The following UBE3D variants were observed in gnomAD, a reference collection of about 807,000 sequenced individuals.
UBE3D encodes E3 ubiquitin-protein ligase E3D.
UBE3D carries 48 observed loss-of-function variants against 49.6 expected under a neutral mutation model. That is an observed-to-expected ratio of 0.97 (90% CI 0.77 to 1.23). The LOEUF (loss-of-function observed/expected upper bound fraction) is 1.23. Ranked by LOEUF, UBE3D falls within the 50% of genes most tolerant of loss-of-function variation. UBE3D has a pLI of 0.00. For synonymous variants in UBE3D, 189 were observed against 174.2 expected (o/e 1.08, Z -0.67); for missense variants, 452 against 468.4 (o/e 0.96, Z 0.32).
At chr6:83,004,570 G>T (rs1241546926) in intron 8 of UBE3D, among the ~76,000 whole-genome samples, 1 of 152,128 alleles carries the variant, frequency 6.6e-6, no homozygotes, top group East Asian at 1.9e-4. Context: ...GTGGGAAGTG[G>T]AATAAACACT....
Position 83,057,818 on chromosome 6 carries a change from T to C in UBE3D, c.274+8A>G, listed in dbSNP as rs758902367. The C allele has an allele frequency of 6.2e-7, 1 of 1,613,424 alleles. No homozygotes were observed. Among genetic ancestry groups the C allele is most frequent in the South Asian group, 1.1e-5 (1 of 90,982 alleles). On this transcript the variant is annotated splice_region_variant and intron_variant, in intron 2 of 9. Transcript: ENST00000369747. ...AAATACAGCAGCAGAAGTGCTAATA[T>C]TACTCACTTGTGCCTAATTTTGCTT...
rs867215746 is a variant in UBE3D, at chr6:83,042,763, C to G, written c.597+1665G>C. ...TTTCCCAAGAGATACCATTAGGATGCTTTGTTACTATGTGACATTTCAAAA... is the reference window on the plus strand; with the variant it reads ...TTTCCCAAGAGATACCATTAGGATGGTTTGTTACTATGTGACATTTCAAAA... On this transcript the variant is annotated intron_variant, in intron 4 of 9. Coordinates refer to ENST00000369747, the MANE Select transcript of UBE3D (RefSeq NM_198920.3). Among the ~76,000 whole-genome samples, 7 of 152,256 alleles carry G rather than the reference C, an allele frequency of 4.6e-5. No individual in the cohort carries two copies. In the Middle Eastern group the frequency reaches 0.014, roughly 298 times the overall value.
chr6:83,058,633 A>G (rs1783969280), intron 1 of UBE3D, among the ~76,000 whole-genome samples: 1 of 152,254 alleles, frequency 6.6e-6, no homozygotes, highest in African/African-American at 2.4e-5. Context: ...CAGAGGTACA[A>G]AGTACCATGG....
intron 8 of UBE3D, among the ~76,000 whole-genome samples, chr6:82,966,004 T>G (rs1776889747): frequency 6.6e-6 from 1 of 152,198 alleles, no homozygotes; most frequent in Non-Finnish European, 1.5e-5. Context: ...TATTACACTT[T>G]GAAAAAAGTA....
chr6:82,994,169 A>G (rs1363188542), intron 8 of UBE3D, among the ~76,000 whole-genome samples: 3 of 152,260 alleles, frequency 2.0e-5, no homozygotes, highest in Non-Finnish European at 4.4e-5. Context: ...CATGGACAAC[A>G]GAAGAAAAAA....
At chr6:83,020,663 G>T (rs1781030192) in intron 7 of UBE3D, among the ~76,000 whole-genome samples, 1 of 152,112 alleles carries the variant, frequency 6.6e-6, no homozygotes, top group Admixed American at 6.5e-5. Context: ...AAACTGTGAG[G>T]TATATTTACT....
intron 9 of UBE3D, among the ~76,000 whole-genome samples, chr6:82,903,869 G>A (rs1771911734): frequency 6.6e-6 from 1 of 152,164 alleles, no homozygotes; most frequent in African/African-American, 2.4e-5. Flanking sequence ...AAGCTGAAAA[G>A]CTGAAGAGGA....
At chr6:82,992,421 C>T (rs1778957344) in intron 8 of UBE3D, among the ~76,000 whole-genome samples, 1 of 151,924 alleles carries the variant, frequency 6.6e-6, no homozygotes, top group South Asian at 2.1e-4. Context: ...TGGGGTTTCA[C>T]CATGCTGGCC....
chr6:83,012,353 C>T (rs973418237), intron 8 of UBE3D, among the ~76,000 whole-genome samples: 1 of 152,142 alleles, frequency 6.6e-6, no homozygotes, highest in Non-Finnish European at 1.5e-5. Context: ...AAAATGGTGC[C>T]ATATCAAGGG....
intron 8 of UBE3D, among the ~76,000 whole-genome samples, chr6:82,974,357 C>T (rs1026758508): frequency 1.3e-5 from 2 of 151,994 alleles, no homozygotes; most frequent in Non-Finnish European, 2.9e-5. Context: ...GGTTCCAGGA[C>T]CCCCCACAAC....
At chr6:83,059,125 T>C (rs1051992605) in intron 1 of UBE3D, among the ~76,000 whole-genome samples, 7 of 152,174 alleles carry the variant, frequency 4.6e-5, no homozygotes, top group African/African-American at 1.7e-4. Flanking sequence ...CTCACTCCTC[T>C]AATCCTAGCA....
At chr6:82,976,799 A>G (rs1440260496) in intron 8 of UBE3D, among the ~76,000 whole-genome samples, 4 of 152,136 alleles carry the variant, frequency 2.6e-5, no homozygotes, top group Non-Finnish European at 5.9e-5. Context: ...AATGACTTAC[A>G]CTAGTACTAC....
chr6:83,006,320 TTGTATTTGGAGATAGGACCCTGCTTTTCC>T lies in UBE3D; in HGVS notation c.1010+12624_1010+12652del, dbSNP rs1779976898. Among the ~76,000 whole-genome samples, 4 of 152,344 alleles carry T rather than the reference TTGTATTTGGAGATAGGACCCTGCTTTTCC, an allele frequency of 2.6e-5. No homozygotes were observed. In the South Asian group the frequency reaches 6.2e-4, roughly 24 times the overall value. On this transcript the variant is annotated intron_variant, in intron 8 of 9. Transcript: ENST00000369747. ...AGTTGAAGCCCTAACCCCAATGTCCTTGTATTTGGAGATAGGACCCTGCTTTTCCTGTATTTGGAGATAGGACCCCAATG... is the reference window on the plus strand; with the variant it reads ...AGTTGAAGCCCTAACCCCAATGTCCTTGTATTTGGAGATAGGACCCCAATG...
intron 8 of UBE3D, among the ~76,000 whole-genome samples, chr6:83,010,931 T>C (rs919775272): frequency 6.6e-6 from 1 of 152,112 alleles, no homozygotes; most frequent in Non-Finnish European, 1.5e-5. Context: ...CCAGAGTCAA[T>C]ACTTTGCATC....
At chr6:82,980,929 A>G (rs1469975802) in intron 8 of UBE3D, among the ~76,000 whole-genome samples, 4 of 152,016 alleles carry the variant, frequency 2.6e-5, no homozygotes, top group African/African-American at 4.8e-5. Context: ...GTCTATTTTT[A>G]TACCAGTACC....
At chr6:83,039,561 C>T (rs1242495000) in intron 4 of UBE3D, among the ~76,000 whole-genome samples, 2 of 152,144 alleles carry the variant, frequency 1.3e-5, no homozygotes, top group Non-Finnish European at 2.9e-5. Flanking sequence ...GTTTTCCAAA[C>T]AACAGCTCAT....
intron 3 of UBE3D, among the ~76,000 whole-genome samples, chr6:83,053,395 T>G (rs547045159): frequency 2.8e-4 from 43 of 152,324 alleles, no homozygotes; most frequent in South Asian, 6.2e-4. Context: ...AACTCTAAAT[T>G]CTTTAAATAG....
intron 6 of UBE3D, among the ~76,000 whole-genome samples, 172 bp from the exon 7 acceptor site, chr6:83,022,733 T>G (rs1371561766): frequency 6.6e-6 from 1 of 152,198 alleles, no homozygotes; most frequent in Non-Finnish European, 1.5e-5. Flanking sequence ...TTTAATATAT[T>G]TTAATGTATT....
chr6:82,934,732 T>G (rs1774423897), intron 9 of UBE3D, among the ~76,000 whole-genome samples: 2 of 151,124 alleles, frequency 1.3e-5, no homozygotes, highest in Admixed American at 1.3e-4. Context: ...CTAAGAATAT[T>G]TATAGGCTAT....
Sources: allele counts gnomAD v4.1 joint callset (sites outside exome capture counted in the v4.1 genomes callset), GRCh38; gene constraint gnomAD v4.1.1; transcripts MANE v1.5; gene names NCBI Gene and HGNC (gene_info 2026-07-23, HGNC 2026-07-21).